AUTS2: variants seen among roughly 807,000 people sequenced by gnomAD.
The protein encoded by AUTS2 is activator of transcription and developmental regulator AUTS2.
Under a neutral mutation model 112.4 loss-of-function variants are expected in AUTS2, and 17 were observed. The ratio of observed to expected loss-of-function variants is 0.15; its 90% CI spans 0.10 to 0.23. The LOEUF (loss-of-function observed/expected upper bound fraction) is 0.23, where lower values mean the gene tolerates loss of function less well. Among genes scored for constraint, AUTS2 ranks in the 10% least tolerant of loss-of-function variants. The probability of loss-of-function intolerance (pLI) is 1.00; values close to 1 mark genes in which losing one functional copy is unlikely to be tolerated. For missense variants in AUTS2, 1,510 were observed against 1,701.6 expected, an observed-to-expected ratio of 0.89 and a Z score of 1.98; for synonymous variants, 751 against 702.7, an observed-to-expected ratio of 1.07 and a Z score of -1.09.
chr7:70,606,588 T>C (rs975955326), intron 5 of AUTS2, among the ~76,000 whole-genome samples: 1 of 152,042 alleles, frequency 6.6e-6, no homozygotes, highest in Non-Finnish European at 1.5e-5. Flanking sequence ...GGGCCAGACG[T>C]GGTGGCTCAC....
At chr7:70,434,051 T>C (rs370786920) in intron 4 of AUTS2, among the ~76,000 whole-genome samples, 3 of 152,312 alleles carry the variant, frequency 2.0e-5, no homozygotes, top group Admixed American at 1.3e-4. Context: ...TCTTTTTGCC[T>C]CATTTTTGCA....
intron 2 of AUTS2, among the ~76,000 whole-genome samples, chr7:70,024,923 A>G (rs1800446992): frequency 1.3e-5 from 2 of 152,216 alleles, no homozygotes; most frequent in African/African-American, 2.4e-5. Flanking sequence ...CTTTATGGAA[A>G]CATCTAAATT....
intron 4 of AUTS2, among the ~76,000 whole-genome samples, chr7:70,390,909 G>T (rs1793822678): frequency 6.6e-6 from 1 of 152,136 alleles, no homozygotes; most frequent in Non-Finnish European, 1.5e-5. Context: ...CTACTTCAAG[G>T]AGCCTGGGCC....
chr7:69,916,172 G>A (rs1795572718), intron 2 of AUTS2, among the ~76,000 whole-genome samples: 2 of 151,924 alleles, frequency 1.3e-5, no homozygotes, highest in African/African-American at 4.8e-5. Context: ...CTGCTTTTTT[G>A]TTTGTGGAAA....
intron 12 of AUTS2, chr7:70,774,303 C>A: frequency 5.4e-6 from 3 of 552,084 alleles, no homozygotes; most frequent in East Asian, 2.9e-5. Context: ...CACAAAGAGA[C>A]CGACTTGCCG....
At chr7:69,745,783 C>T (rs181911111) in intron 1 of AUTS2, among the ~76,000 whole-genome samples, 102 of 152,146 alleles carry the variant, frequency 6.7e-4, no homozygotes, top group Non-Finnish European at 1.1e-3. Context: ...TCTGAAGAAA[C>T]GGGATTTTGA....
chr7:70,649,224 T>TAGA (rs1806347814), intron 5 of AUTS2, among the ~76,000 whole-genome samples: 1 of 150,320 alleles, frequency 6.7e-6, no homozygotes, highest in African/African-American at 2.5e-5. Context: ...ACCTTTAGAT[T>TAGA]AGAAGTTTGA....
Position 69,899,349 on chromosome 7 carries a change from A to G in AUTS2, c.373A>G (p.Lys125Glu). The G allele has an allele frequency of 6.2e-7, 1 of 1,614,110 alleles. No individual in the cohort carries two copies. The highest frequency in any genetic ancestry group is 8.5e-7 in the Non-Finnish European group (1 of 1,179,974). ...ACGCCAGACGCCCCTGACCAAGAAG[A>G]AACGAGAAGCACTTACCAATGGCTT... ...EKRQTPLTKKKREALTNGLSF... is the reference protein window; with the variant it reads ...EKRQTPLTKKEREALTNGLSF... The change falls in exon 2 of 19, where the codon AAA becomes GAA. Residue 125 changes from lysine (K) to glutamate (E), a missense_variant. Physicochemically the swap from Lys to Glu is moderately conservative, Grantham distance 56 (BLOSUM62 1). Transcript: ENST00000342771.
chr7:70,375,118 GC>G, intron 4 of AUTS2, among the ~76,000 whole-genome samples: 1 of 152,288 alleles, frequency 6.6e-6, no homozygotes, highest in African/African-American at 2.4e-5. Flanking sequence ...CCCTTTTCAA[GC>G]TTAACACTTT....
At chr7:70,004,553 T>C (rs1166215996) in intron 2 of AUTS2, among the ~76,000 whole-genome samples, 1 of 150,400 alleles carries the variant, frequency 6.6e-6, no homozygotes, top group African/African-American at 2.4e-5. Context: ...GATGCAAAAT[T>C]GATTAGCAAA....
rs558019302 is a variant in AUTS2, at chr7:70,442,552, G to A, written c.690+6771G>A. On this transcript the variant is annotated intron_variant, in intron 5 of 18. Coordinates refer to ENST00000342771, the MANE Select transcript of AUTS2 (RefSeq NM_015570.4). ...GTCACCCAGGCAGAAGTGCAGTGGC[G>A]CAGTCTCGGTTCACTGAACCCTCCC... Among the ~76,000 whole-genome samples, 7 of 152,176 alleles carry A rather than the reference G, an allele frequency of 4.6e-5. No homozygotes were observed. The South Asian group carries it at 1.0e-3, about 23-fold the overall frequency.
At chr7:70,338,833 C>CTTATTTATTTATTTATTTATTTATTTAT (rs60351906) in intron 4 of AUTS2, among the ~76,000 whole-genome samples, 1 of 141,012 alleles carries the variant, frequency 7.1e-6, no homozygotes, top group African/African-American at 2.6e-5. Context: ...AGCCTCATCT[C>CTTATTTATTTATTTATTTATTTATTTAT]TTATTTATTT....
At chr7:70,442,906 A>G (rs1274882689) in intron 5 of AUTS2, among the ~76,000 whole-genome samples, 1 of 152,222 alleles carries the variant, frequency 6.6e-6, no homozygotes, top group Non-Finnish European at 1.5e-5. Flanking sequence ...CAAAATCATC[A>G]TATTTCCAAT....
chr7:69,832,490 A>G (rs1380112052), intron 1 of AUTS2, among the ~76,000 whole-genome samples: 1 of 152,210 alleles, frequency 6.6e-6, no homozygotes, highest in Non-Finnish European at 1.5e-5. Context: ...GCACTAGTCA[A>G]CTGGTAAGCA....
intron 1 of AUTS2, among the ~76,000 whole-genome samples, chr7:69,698,061 G>A (rs569557727): frequency 7.2e-5 from 11 of 152,198 alleles, no homozygotes; most frequent in South Asian, 2.1e-4. Context: ...GCTTGAGCAG[G>A]GACTTTGGGT....
intron 5 of AUTS2, among the ~76,000 whole-genome samples, chr7:70,486,956 C>G (rs1270656672): frequency 7.3e-6 from 1 of 137,708 alleles, no homozygotes; most frequent in Non-Finnish European, 1.6e-5. Context: ...AAAGCTGAAG[C>G]AGAGCTTTTC....
chr7:70,150,255 C>T (rs570658180), intron 4 of AUTS2, among the ~76,000 whole-genome samples: 1 of 152,166 alleles, frequency 6.6e-6, no homozygotes, highest in East Asian at 1.9e-4. Context: ...TAGAACAAAA[C>T]TCCTTTAGTC....
intron 4 of AUTS2, among the ~76,000 whole-genome samples, chr7:70,277,070 A>G (rs1345120771): frequency 6.6e-6 from 1 of 152,212 alleles, no homozygotes; most frequent in African/African-American, 2.4e-5. Flanking sequence ...TTAAGGCCGA[A>G]ATGGCATGTC....
chr7:70,266,135 A>T (rs1003604096), intron 4 of AUTS2, among the ~76,000 whole-genome samples: 1 of 152,254 alleles, frequency 6.6e-6, no homozygotes, highest in African/African-American at 2.4e-5. Flanking sequence ...AAGTGAAAAC[A>T]ACCCAAATGT....
Sources: gnomAD v4.1 joint callset for allele counts (sites outside exome capture counted in the v4.1 genomes callset) on GRCh38, gnomAD v4.1.1 for gene constraint, MANE v1.5 for transcripts, NCBI Gene and HGNC (gene_info 2026-07-23, HGNC 2026-07-21) for gene names.